Variants in CSMD3 observed in about 807,000 individuals in gnomAD.
The protein encoded by CSMD3 is CUB and sushi domain-containing protein 3.
A neutral mutation model predicts 435.2 loss-of-function variants in CSMD3; 177 were observed. The observed-to-expected ratio is 0.41, with a 90% CI of 0.36 to 0.46. The LOEUF is 0.46. Among genes scored for constraint, CSMD3 ranks in the 20% least tolerant of loss-of-function variants. The pLI is 0.34. For synonymous variants in CSMD3, 1,656 were observed against 1,520.5 expected (o/e 1.09, Z -2.07); for missense variants, 4,265 against 4,504.6 (o/e 0.95, Z 1.52).
chr8:112,262,280 G>T (rs1296536934), intron 61 of CSMD3, among the ~76,000 whole-genome samples: 1 of 151,962 alleles, frequency 6.6e-6, no homozygotes, highest in African/African-American at 2.4e-5. Context: ...ATGTATAAAT[G>T]GTTCTGTGTT....
At chr8:112,972,744 A>G (rs116929631) in intron 7 of CSMD3, among the ~76,000 whole-genome samples, 1 of 152,018 alleles carries the variant, frequency 6.6e-6, no homozygotes, top group African/African-American at 2.4e-5. Context: ...ACTATTTTTT[A>G]AAAAATATCT....
intron 23 of CSMD3, among the ~76,000 whole-genome samples, chr8:112,575,298 A>G (rs1199658426): frequency 1.3e-5 from 2 of 152,048 alleles, no homozygotes; most frequent in African/African-American, 4.8e-5. Flanking sequence ...AATTGATGGA[A>G]TCTATAGACT....
In CSMD3 at chr8:112,769,661, C is replaced by A. The variant is rs550726135; in HGVS notation, c.1972+30501G>T. Among the ~76,000 whole-genome samples, 5 of 151,966 alleles carry A rather than the reference C, an allele frequency of 3.3e-5. No homozygotes were observed. The East Asian group carries it at 9.7e-4, about 29-fold the overall frequency. ...TTAATAAGTTGCACCTCAATAATTACACTTTTAGAAATATTTTATTTAATT... is the reference window on the plus strand; with the variant it reads ...TTAATAAGTTGCACCTCAATAATTAAACTTTTAGAAATATTTTATTTAATT... On this transcript the variant is annotated intron_variant, in intron 13 of 70. Coordinates refer to ENST00000297405, the MANE Select transcript of CSMD3 (RefSeq NM_198123.2).
intron 65 of CSMD3, among the ~76,000 whole-genome samples, chr8:112,242,539 A>G (rs1276794584): frequency 6.6e-6 from 1 of 152,082 alleles, no homozygotes; most frequent in Non-Finnish European, 1.5e-5. Context: ...GTATGATAGC[A>G]GTGACAATAA....
intron 5 of CSMD3, among the ~76,000 whole-genome samples, chr8:113,024,800 G>C (rs2086811809): frequency 6.6e-6 from 1 of 152,114 alleles, no homozygotes; most frequent in Non-Finnish European, 1.5e-5. Flanking sequence ...CAGTAGTAAA[G>C]TCAGAGCCTT....
At chr8:112,840,904 C>T (rs946256951) in intron 11 of CSMD3, among the ~76,000 whole-genome samples, 73 of 151,622 alleles carry the variant, frequency 4.8e-4, no homozygotes, top group African/African-American at 1.7e-3. Flanking sequence ...GACTCTTTAC[C>T]AGCACTGTTA....
At position 113,328,098 on chromosome 8, in the gene CSMD3, GACAC is replaced by G. The variant is rs149822754; in HGVS notation, c.179-13309_179-13306del. On this transcript the variant is annotated intron_variant, in intron 1 of 70. Transcript: ENST00000297405. ...ACACAGACACACACAGACACACACA[GACAC>G]ACACACACACACACACACCAGAGAG... is the stretch of plus-strand genomic sequence containing the variant. Among the ~76,000 whole-genome samples, 269 of 148,720 alleles carry G rather than the reference GACAC, an allele frequency of 1.8e-3. 6 individuals are homozygous for G. Among genetic ancestry groups the G allele is most frequent in the Admixed American group, 0.014 (213 of 14,864 alleles).
At chr8:112,494,193 G>A (rs78426268) in intron 30 of CSMD3, among the ~76,000 whole-genome samples, 1,830 of 152,072 alleles carry the variant, frequency 0.012, 39 homozygotes, top group African/African-American at 0.042. Flanking sequence ...CAACTAAAGA[G>A]GAAGTGGTAG....
At chr8:112,628,788 T>C (rs1299872946) in intron 22 of CSMD3, among the ~76,000 whole-genome samples, 2 of 152,152 alleles carry the variant, frequency 1.3e-5, no homozygotes, top group Non-Finnish European at 1.5e-5. Flanking sequence ...AGGAAAGACA[T>C]CTAACGTACT....
rs779995662 is a variant in CSMD3 at position 113,436,819 on chromosome 8, C to G, written c.36G>C (p.Lys12Asn). The change falls in exon 1 of 71, where the codon AAG becomes AAC. Residue 12 changes from lysine (K) to asparagine (N), a missense_variant. Lys to Asn is a moderately conservative substitution (Grantham distance 94). Coordinates refer to ENST00000297405, the MANE Select transcript of CSMD3 (RefSeq NM_198123.2). ...TGCCAGGCTCCCAGGGTTTGGATTC[C>G]TTTGCTCGGCTTTCCCCTTTGCGGA... ...KGIRKGESRA[K>N]ESKPWEPGKR... 2 of 1,614,160 alleles carry G rather than the reference C, an allele frequency of 1.2e-6. No homozygotes were observed. Among genetic ancestry groups the G allele is most frequent in the Non-Finnish European group, 1.7e-6 (2 of 1,180,032 alleles).
chr8:113,163,309 T>C (rs2092081157), intron 4 of CSMD3, among the ~76,000 whole-genome samples: 1 of 151,980 alleles, frequency 6.6e-6, no homozygotes, highest in Non-Finnish European at 1.5e-5. Context: ...ATCTCCGTTG[T>C]TTAGAAAAAA....
chr8:112,665,044 T>C (rs2075487212), intron 17 of CSMD3, among the ~76,000 whole-genome samples: 2 of 152,072 alleles, frequency 1.3e-5, no homozygotes, highest in Non-Finnish European at 2.9e-5. Context: ...GCATAAGAAA[T>C]GGCAACCTAA....
chr8:113,343,156 GA>G (rs2094131303), intron 1 of CSMD3, among the ~76,000 whole-genome samples: 1 of 151,526 alleles, frequency 6.6e-6, no homozygotes, highest in Non-Finnish European at 1.5e-5. Context: ...TCTGATATTG[GA>G]CTTAGCAGAA....
chr8:112,605,492 T>G (rs1832718251), intron 22 of CSMD3, among the ~76,000 whole-genome samples: 1 of 152,114 alleles, frequency 6.6e-6, no homozygotes, highest in Non-Finnish European at 1.5e-5. Context: ...TGGAAAGACC[T>G]GGAGACCATT....
chr8:113,140,604 G>A (rs2091525452), intron 4 of CSMD3, among the ~76,000 whole-genome samples: 2 of 150,978 alleles, frequency 1.3e-5, no homozygotes, highest in African/African-American at 2.4e-5. Flanking sequence ...ATAACTCAGA[G>A]ATAAAAGAAA....
At chr8:113,396,837 A>G (rs2094485737) in intron 1 of CSMD3, among the ~76,000 whole-genome samples, 1 of 152,070 alleles carries the variant, frequency 6.6e-6, no homozygotes, top group East Asian at 1.9e-4. Context: ...TCACTACCAG[A>G]TATATTATTT....
At chr8:112,365,094 G>A (rs921876023) in intron 38 of CSMD3, among the ~76,000 whole-genome samples, 12 of 152,100 alleles carry the variant, frequency 7.9e-5, no homozygotes, top group Admixed American at 6.6e-4. Context: ...ACTAAATAAT[G>A]TTTAAACTTC....
At chr8:113,268,101 T>G (rs1331648735) in intron 3 of CSMD3, among the ~76,000 whole-genome samples, 1 of 151,726 alleles carries the variant, frequency 6.6e-6, no homozygotes, top group East Asian at 1.9e-4. Flanking sequence ...CTTTCACCTA[T>G]AAAAAGTGAC....
At chr8:113,086,490 T>A (rs911698489) in intron 5 of CSMD3, among the ~76,000 whole-genome samples, 28 of 152,058 alleles carry the variant, frequency 1.8e-4, no homozygotes, top group Non-Finnish European at 4.1e-4. Flanking sequence ...ATAAACAATA[T>A]GACAGAGGCA....
Sources: allele counts gnomAD v4.1 joint callset (sites outside exome capture counted in the v4.1 genomes callset), GRCh38; gene constraint gnomAD v4.1.1; transcripts MANE v1.5; gene names NCBI Gene and HGNC (gene_info 2026-07-23, HGNC 2026-07-21).